EVI5: variants seen among roughly 807,000 people sequenced by gnomAD.
The protein encoded by EVI5 is ecotropic viral integration site 5.
In EVI5, 73 loss-of-function variants were observed where a neutral mutation model predicts 112.0. The ratio of observed to expected loss-of-function variants is 0.65; its 90% CI spans 0.54 to 0.79. The LOEUF is 0.79. EVI5 is among the 30% of genes least tolerant of loss of function. EVI5 has a pLI of 0.00. For missense variants in EVI5, 900 were observed against 968.8 expected (o/e 0.93, Z 0.94); for synonymous variants, 305 against 319.9 (o/e 0.95, Z 0.50).
intron 14 of EVI5, among the ~76,000 whole-genome samples, 177 bp from the exon 15 acceptor site, chr1:92,626,111 A>G (rs1480382023): frequency 6.6e-6 from 1 of 152,220 alleles, no homozygotes; most frequent in African/African-American, 2.4e-5. Context: ...AGTGGTTTTT[A>G]GAGTATTTAC....
intron 18 of EVI5, among the ~76,000 whole-genome samples, chr1:92,585,110 G>C (rs1222611506): frequency 6.6e-6 from 1 of 151,774 alleles, no homozygotes; most frequent in Non-Finnish European, 1.5e-5. Context: ...TGTAATCCCA[G>C]CTACTCAGGA....
At chr1:92,792,276 C>A in intron 1 of EVI5, 1 of 1,019,844 alleles carries the variant, frequency 9.8e-7, no homozygotes, top group Non-Finnish European at 1.5e-6. Flanking sequence ...TAACAAATTA[C>A]TTTCTGTTAC....
Position 92,665,944 on chromosome 1 carries a change from C to T in EVI5, c.1207G>A (p.Glu403Lys), listed in dbSNP as rs755133604. Residue 403 changes from glutamate (E) to lysine (K), a missense_variant, in exon 11 of 20, where the codon GAA becomes AAA. By Grantham distance (56) the Glu-to-Lys change is moderately conservative. Coordinates refer to ENST00000684568, the MANE Select transcript of EVI5 (RefSeq NM_001350197.2). ...ATAAGTAGTCACTTACTTACTTTTT[C>T]TAATGTCTCGATGCGCTGTTTTAAA... ...RLLKQRIETL[E>K]KESASLADRL... The T allele has an allele frequency of 1.2e-6, 2 of 1,600,944 alleles. No individual in the cohort carries two copies. Among genetic ancestry groups the T allele is most frequent in the Non-Finnish European group, 1.7e-6 (2 of 1,174,316 alleles).
intron 1 of EVI5, among the ~76,000 whole-genome samples, chr1:92,769,904 T>C (rs933138477): frequency 6.6e-6 from 1 of 151,798 alleles, no homozygotes; most frequent in African/African-American, 2.4e-5. Context: ...AAAAAAAAGA[T>C]CATGAGAAGG....
chr1:92,685,381 TCTCTGGG>T (rs1178066413), intron 9 of EVI5, among the ~76,000 whole-genome samples: 1 of 152,128 alleles, frequency 6.6e-6, no homozygotes, highest in Admixed American at 6.5e-5. Context: ...TGTACCAGAA[TCTCTGGG>T]ACACATTTAA....
intron 18 of EVI5, among the ~76,000 whole-genome samples, chr1:92,592,328 C>T (rs1339734054): frequency 6.6e-6 from 1 of 152,148 alleles, no homozygotes; most frequent in African/African-American, 2.4e-5. Context: ...CTACTGGGTA[C>T]ATAATGAAAT....
chr1:92,583,733 C>CA (rs1171342325), intron 18 of EVI5, among the ~76,000 whole-genome samples: 1 of 138,106 alleles, frequency 7.2e-6, no homozygotes, highest in Non-Finnish European at 1.6e-5. Context: ...CTCTCTCTCT[C>CA]TTTTTTTTTT....
chr1:92,738,316 T>C (rs1030585391), intron 1 of EVI5, among the ~76,000 whole-genome samples: 2 of 152,064 alleles, frequency 1.3e-5, no homozygotes, highest in African/African-American at 4.8e-5. Context: ...CAAAGCACAC[T>C]CTAATATTTA....
chr1:92,748,792 C>T (rs1328964651), intron 1 of EVI5, among the ~76,000 whole-genome samples: 1 of 152,008 alleles, frequency 6.6e-6, no homozygotes, highest in Non-Finnish European at 1.5e-5. Flanking sequence ...ATTGGCCAGT[C>T]ACGGTGGCTC....
At chr1:92,740,709 G>A (rs1384515702) in intron 1 of EVI5, among the ~76,000 whole-genome samples, 1 of 152,158 alleles carries the variant, frequency 6.6e-6, no homozygotes, top group Non-Finnish European at 1.5e-5. Context: ...AGTATTCTGT[G>A]TAAGTCACTA....
At chr1:92,636,030 A>T (rs1029973902) in intron 14 of EVI5, among the ~76,000 whole-genome samples, 172 bp downstream of exon 14, 2 of 152,234 alleles carry the variant, frequency 1.3e-5, no homozygotes, top group Admixed American at 1.3e-4. Flanking sequence ...GAAGGCAACA[A>T]GGAATAACTG....
chr1:92,662,194 G>A (rs1230059113), intron 13 of EVI5, among the ~76,000 whole-genome samples: 2 of 152,054 alleles, frequency 1.3e-5, no homozygotes, highest in East Asian at 3.9e-4. Flanking sequence ...TGAAATATAG[G>A]CATACACCTT....
intron 19 of EVI5, among the ~76,000 whole-genome samples, chr1:92,542,511 T>A (rs896417144): frequency 5.3e-5 from 8 of 152,202 alleles, no homozygotes; most frequent in Admixed American, 5.2e-4. Flanking sequence ...GAATCACAAA[T>A]GTTCTTAACG....
chr1:92,603,138 A>G (rs1453658764), intron 18 of EVI5, among the ~76,000 whole-genome samples: 1 of 152,252 alleles, frequency 6.6e-6, no homozygotes, highest in African/African-American at 2.4e-5. Flanking sequence ...AATCAAAACC[A>G]CAATGAGATA....
Position 92,536,997 on chromosome 1 carries a change from A to C in EVI5, c.2167-23027T>G, listed in dbSNP as rs181378967. ...GCTTTCATGCATATTATTTCAACTT[A>C]AAAAAAATTTCCCCTGTGTGTGACT... On this transcript the variant is annotated intron_variant, in intron 19 of 19. Transcript: ENST00000684568. Among the ~76,000 whole-genome samples the C allele has an allele frequency of 2.6e-5, 4 of 152,178 alleles. No individual in the cohort carries two copies. In the East Asian group the frequency reaches 7.7e-4, roughly 29 times the overall value.
At chr1:92,682,283 T>G (rs1667722656) in intron 9 of EVI5, among the ~76,000 whole-genome samples, 1 of 152,154 alleles carries the variant, frequency 6.6e-6, no homozygotes, top group African/African-American at 2.4e-5. Flanking sequence ...GAGCCCTATC[T>G]CTGCGTGCCC....
chr1:92,668,430 C>G (rs1180682728), intron 10 of EVI5, among the ~76,000 whole-genome samples: 1 of 152,112 alleles, frequency 6.6e-6, no homozygotes, highest in Non-Finnish European at 1.5e-5. Flanking sequence ...TCAAAATGTT[C>G]TCAATCATAT....
intron 18 of EVI5, among the ~76,000 whole-genome samples, chr1:92,604,137 C>T (rs1160516658): frequency 1.3e-5 from 2 of 151,788 alleles, no homozygotes; most frequent in Non-Finnish European, 2.9e-5. Context: ...ATCACTTAAG[C>T]CCAGGAGTTC....
chr1:92,623,245 C>T (rs1047399526), intron 16 of EVI5, among the ~76,000 whole-genome samples: 3 of 151,796 alleles, frequency 2.0e-5, no homozygotes, highest in Non-Finnish European at 4.4e-5. Context: ...TAGAATAATA[C>T]AAGAAAAATA....
Sources: allele counts gnomAD v4.1 joint callset (sites outside exome capture counted in the v4.1 genomes callset), GRCh38; gene constraint gnomAD v4.1.1; transcripts MANE v1.5; gene names NCBI Gene and HGNC (gene_info 2026-07-23, HGNC 2026-07-21).